GRIP1: variants seen among roughly 807,000 people sequenced by gnomAD.
The protein encoded by GRIP1 is glutamate receptor-interacting protein 1.
Under a neutral mutation model 129.9 loss-of-function variants are expected in GRIP1, and 45 were observed. The observed-to-expected ratio is 0.35, with a 90% confidence interval of 0.27 to 0.44. The LOEUF (loss-of-function observed/expected upper bound fraction) is 0.44. Ranked by LOEUF, GRIP1 falls within the 20% of genes least tolerant of loss-of-function variation. GRIP1 has a pLI of 1.00. For missense variants in GRIP1, 1,196 were observed against 1,396.8 expected, an observed-to-expected ratio of 0.86 and a Z score of 2.29; for synonymous variants, 530 against 520.8, an observed-to-expected ratio of 1.02 and a Z score of -0.24.
intron 1 of GRIP1, among the ~76,000 whole-genome samples, chr12:67,031,016 G>A (rs574816392): frequency 4.6e-5 from 7 of 152,160 alleles, no homozygotes; most frequent in East Asian, 3.9e-4. Flanking sequence ...CTCACCTCAC[G>A]ACAGGTAAAG....
At chr12:67,004,746 CT>C (rs1217607476) in intron 1 of GRIP1, among the ~76,000 whole-genome samples, 1 of 151,936 alleles carries the variant, frequency 6.6e-6, no homozygotes, top group African/African-American at 2.4e-5. Flanking sequence ...TTACAAATAA[CT>C]TTTTTTAAAG....
intron 23 of GRIP1, among the ~76,000 whole-genome samples, chr12:66,370,151 T>A (rs1405308087): frequency 6.6e-6 from 1 of 152,320 alleles, no homozygotes; most frequent in East Asian, 1.9e-4. Flanking sequence ...TTCCTCTGCA[T>A]AGTCAACATC....
chr12:66,809,335 T>C (rs1294513407), intron 1 of GRIP1, among the ~76,000 whole-genome samples: 1 of 152,214 alleles, frequency 6.6e-6, no homozygotes, highest in Non-Finnish European at 1.5e-5. Flanking sequence ...GTAATGGTTA[T>C]AGTATTTTTT....
In GRIP1 at chr12:66,406,386, A is replaced by T; in HGVS notation, c.1881T>A (p.Asp627Glu). 3.1e-6 allele frequency: 5 copies of T among 1,614,124 alleles called. No homozygotes were observed. Among genetic ancestry groups the T allele is most frequent in the Non-Finnish European group, 4.2e-6 (5 of 1,179,960 alleles). Residue 627 changes from aspartate (D) to glutamate (E), a missense_variant, in exon 16 of 25, where the codon GAT becomes GAA. Physicochemically the swap from Asp to Glu is conservative, Grantham distance 45 (BLOSUM62 2). Transcript: ENST00000359742. ...LELGDKLLAIDNIRLDNCSME... is the reference protein window; with the variant it reads ...LELGDKLLAIENIRLDNCSME... ...TGGAACAGTTGTCCAGCCGGATATT[A>T]TCTATTGCGAGCAATTTATCCCCAA...
At chr12:66,406,058 T>C (rs1375375707) in intron 16 of GRIP1, among the ~76,000 whole-genome samples, 2 of 152,166 alleles carry the variant, frequency 1.3e-5, no homozygotes, top group African/African-American at 4.8e-5. Flanking sequence ...CATGCAATTA[T>C]AATATGTTTT....
rs11375042 is a variant in GRIP1, at chr12:66,888,222, A to ATT, written c.58+180826_58+180827dup. On this transcript the variant is annotated intron_variant, in intron 1 of 1. Coordinates refer to the GRIP1 transcript ENST00000643019. ...AGGCGCACACCATCACACCCAGCTA[A>ATT]TTTTTTTTCATTTTTTTTTGTGGAG... is the stretch of plus-strand genomic sequence containing the variant. 6.4e-5 allele frequency among the ~76,000 whole-genome samples: 7 copies of ATT among 110,120 alleles called. No homozygotes were observed. In the South Asian group the frequency reaches 1.3e-3, roughly 21 times the overall value. The allele number at this position is 110,120 out of a possible 152,430, so 72.2% of individuals were successfully genotyped here.
At chr12:66,363,965 T>C (rs529979293) in intron 23 of GRIP1, among the ~76,000 whole-genome samples, 1 of 152,160 alleles carries the variant, frequency 6.6e-6, no homozygotes, top group South Asian at 2.1e-4. Context: ...GAGAAAATTT[T>C]AAATGTGGTG....
intron 2 of GRIP1, among the ~76,000 whole-genome samples, chr12:66,580,601 T>A (rs1399264725): frequency 2.0e-5 from 3 of 148,314 alleles, no homozygotes; most frequent in East Asian, 4.0e-4. Flanking sequence ...AGGCAGGGGT[T>A]GCAATCCTAG....
intron 2 of GRIP1, among the ~76,000 whole-genome samples, chr12:66,576,263 A>T (rs532525944): frequency 6.6e-6 from 1 of 152,224 alleles, no homozygotes. Context: ...AGGATGGACT[A>T]CCATGAACTG....
chr12:66,686,562 C>A (rs903581513), intron 1 of GRIP1, among the ~76,000 whole-genome samples: 1 of 152,222 alleles, frequency 6.6e-6, no homozygotes, highest in Non-Finnish European at 1.5e-5. Context: ...TCCAAACTAA[C>A]CTGCTTGCTG....
upstream of GRIP1, chr12:66,679,215 G>T: frequency 9.4e-7 from 1 of 1,059,630 alleles, no homozygotes; most frequent in Non-Finnish European, 1.3e-6. Context: ...GGACGACACT[G>T]TGTGAGGAGC....
intron 2 of GRIP1, among the ~76,000 whole-genome samples, chr12:66,550,859 G>A (rs1469376218): frequency 6.6e-6 from 1 of 152,164 alleles, no homozygotes; most frequent in East Asian, 1.9e-4. Flanking sequence ...GATGGCCTGA[G>A]TGGTGGACAT....
At chr12:66,525,433 A>G (rs2061193191) in intron 5 of GRIP1, among the ~76,000 whole-genome samples, 3 of 152,194 alleles carry the variant, frequency 2.0e-5, no homozygotes, top group Admixed American at 2.0e-4. Context: ...CAAAAACCAC[A>G]TGATTATCTC....
chr12:66,875,823 C>T (rs2040373143), intron 1 of GRIP1, among the ~76,000 whole-genome samples: 1 of 152,036 alleles, frequency 6.6e-6, no homozygotes, highest in African/African-American at 2.4e-5. Context: ...ATGCACTTAA[C>T]TCAGAAAACT....
intron 1 of GRIP1, among the ~76,000 whole-genome samples, chr12:66,870,147 T>C (rs932781144): frequency 6.6e-6 from 1 of 152,082 alleles, no homozygotes; most frequent in Non-Finnish European, 1.5e-5. Flanking sequence ...CGCTTTAAAA[T>C]GATCAGCAGA....
chr12:66,405,077 T>C (rs2057143661), intron 16 of GRIP1, among the ~76,000 whole-genome samples: 1 of 152,038 alleles, frequency 6.6e-6, no homozygotes, highest in Admixed American at 6.6e-5. Context: ...AATTACCTAA[T>C]GGAAAAACTC....
rs35306665 is a variant in GRIP1 at position 66,979,222 on chromosome 12, TAAAAAAAAAAAAAAAAAAAAA to T, written c.58+89807_58+89827del. ...CCCCAAGCCACAAAACTTCTCTTCT[TAAAAAAAAAAAAAAAAAAAAA>T]AAAAAAAAAAACAAGCCCGTCATCC... On this transcript the variant is annotated intron_variant, in intron 1 of 1. Coordinates refer to the GRIP1 transcript ENST00000643019. Among the ~76,000 whole-genome samples, 94 of 41,470 alleles carry T rather than the reference TAAAAAAAAAAAAAAAAAAAAA, an allele frequency of 2.3e-3. 1 individual carries two copies. Among genetic ancestry groups the T allele is most frequent in the African/African-American group, 6.8e-3 (90 of 13,330 alleles). The allele number at this position is 41,470 out of a possible 152,430, so 27.2% of individuals were successfully genotyped here.
chr12:66,798,311 C>T (rs970478172), intron 1 of GRIP1, among the ~76,000 whole-genome samples: 4 of 152,018 alleles, frequency 2.6e-5, no homozygotes, highest in African/African-American at 7.2e-5. Flanking sequence ...TATGTTACAT[C>T]CGTGAAAGAG....
At chr12:66,748,839 A>G (rs974227679) in intron 1 of GRIP1, among the ~76,000 whole-genome samples, 9 of 152,194 alleles carry the variant, frequency 5.9e-5, no homozygotes, top group African/African-American at 2.2e-4. Context: ...AATTGTTTAA[A>G]TAACAGGGAT....
Sources: allele counts gnomAD v4.1 joint callset (sites outside exome capture counted in the v4.1 genomes callset), GRCh38; gene constraint gnomAD v4.1.1; transcripts MANE v1.5; gene names NCBI Gene and HGNC (gene_info 2026-07-23, HGNC 2026-07-21).